VPS35L: variants seen among roughly 807,000 people sequenced by gnomAD.
VPS35L encodes the protein VPS35 endosomal protein sorting factor like.
Under a neutral mutation model 133.0 loss-of-function variants are expected in VPS35L, and 83 were observed. That is an observed-to-expected ratio of 0.62 (90% CI 0.52 to 0.75). The LOEUF (loss-of-function observed/expected upper bound fraction) is 0.75, where lower values mean the gene tolerates loss of function less well. Among genes scored for constraint, VPS35L ranks in the 30% least tolerant of loss-of-function variants. VPS35L has a pLI of 0.00. For synonymous variants in VPS35L, 423 were observed against 449.9 expected (o/e 0.94, Z 0.76); for missense variants, 1,083 against 1,206.8 (o/e 0.90, Z 1.52).
chr16:19,591,117 A>G (rs1477098487), intron 7 of VPS35L, among the ~76,000 whole-genome samples: 1 of 152,124 alleles, frequency 6.6e-6, no homozygotes, highest in African/African-American at 2.4e-5. Flanking sequence ...ACTGAAGCTT[A>G]TGTTCCTTTT....
chr16:19,674,184 C>CTTTCTTTTTTTTTTTTTTTTTTTTT (rs764022611), intron 27 of VPS35L, among the ~76,000 whole-genome samples: 1 of 70,906 alleles, frequency 1.4e-5, no homozygotes, highest in African/African-American at 6.3e-5. Flanking sequence ...TTTTCTTTTT[C>CTTTCTTTTTTTTTTTTTTTTTTTTT]TTTTTTTTTT....
rs1011594076 is a variant in VPS35L, at chr16:19,557,035, G to C, written c.17+1289G>C. Among the ~76,000 whole-genome samples the C allele has an allele frequency of 2.0e-5, 3 of 152,122 alleles. No homozygotes were observed. In the South Asian group the frequency reaches 6.2e-4, roughly 31 times the overall value. ...TAATCCCAGCTACTTGGGAGGGTGA[G>C]GCAGGAGAGTCGCTTGAACCTGGGA... On this transcript the variant is annotated intron_variant, in intron 1 of 30. Coordinates refer to ENST00000417362, the MANE Select transcript of VPS35L (RefSeq NM_020314.7).
At chr16:19,697,162 C>T (rs528608920) in intron 29 of VPS35L, among the ~76,000 whole-genome samples, 1 of 152,364 alleles carries the variant, frequency 6.6e-6, no homozygotes, top group African/African-American at 2.4e-5. Flanking sequence ...TGGGCGCCCA[C>T]AGCACAACCT....
intron 3 of VPS35L, among the ~76,000 whole-genome samples, chr16:19,570,977 G>A (rs1431027801): frequency 1.3e-5 from 2 of 150,218 alleles, no homozygotes; most frequent in African/African-American, 2.4e-5. Flanking sequence ...AGGTTCAAGC[G>A]ATTCTCCTGC....
Position 19,591,927 on chromosome 16 carries a change from A to C in VPS35L, c.724+53A>C, listed in dbSNP as rs574626559. The C allele has an allele frequency of 3.6e-6, 5 of 1,371,868 alleles. No individual in the cohort carries two copies. In the African/African-American group the frequency reaches 7.2e-5, roughly 20 times the overall value. The allele number at this position is 1,371,868 out of a possible 1,614,324, so 85.0% of individuals were successfully genotyped here. A position where few individuals can be genotyped will look rare whatever the true frequency, so the allele number is the denominator to read the frequency against. On this transcript the variant is annotated intron_variant, in intron 8 of 30. Transcript: ENST00000417362. ...TCTAGGAAATGTGTTCGTTTTGTCA[A>C]GAATTGGGTGGTAGAGTTACTGTAA...
intron 3 of VPS35L, 85 bp from the exon 4 acceptor site, chr16:19,573,034 G>A (rs2151509912): frequency 7.1e-7 from 1 of 1,414,280 alleles, no homozygotes; most frequent in Admixed American, 2.0e-5. Context: ...CACAGTAAAG[G>A]ACTATCTGGC....
At chr16:19,565,572 C>G (rs946313157) in intron 2 of VPS35L, among the ~76,000 whole-genome samples, 1 of 152,128 alleles carries the variant, frequency 6.6e-6, no homozygotes, top group East Asian at 1.9e-4. Context: ...AGGCTGGTCT[C>G]GAACCCTTGA....
chr16:19,587,290 T>C, intron 7 of VPS35L: 1 of 448,426 alleles, frequency 2.2e-6, no homozygotes, highest in Non-Finnish European at 4.5e-6. Context: ...CCAAACCATG[T>C]TAACTATGTT....
Position 19,699,506 on chromosome 16 carries a change from T to C in VPS35L, c.2651T>C (p.Leu884Pro), listed in dbSNP as rs1976033605. The stretch of plus-strand genomic sequence containing the variant: ...AACCTCCCTTTTCTGTTTCAGGCCC[T>C]GAAGCGCCAGAGCTCGTTGGGCCTT... ...HLKTLAKDEA[L>P]KRQSSLGLSF... is the part of the protein sequence containing the mutation. Residue 884 changes from leucine (L) to proline (P), a missense_variant, in exon 30 of 31, where the codon CTG becomes CCG. Coordinates refer to ENST00000417362, the MANE Select transcript of VPS35L (RefSeq NM_020314.7). This position sits in a 1 kb window ranked among gnomAD's most constrained non-coding sequence, Gnocchi z 4.2. 2 of 1,613,986 alleles carry C rather than the reference T, an allele frequency of 1.2e-6. No homozygotes were observed. Among genetic ancestry groups the C allele is most frequent in the South Asian group, 2.2e-5 (2 of 91,080 alleles).
intron 1 of VPS35L, 113 bp from the exon 2 acceptor site, chr16:19,564,738 G>A: frequency 1.4e-6 from 1 of 712,624 alleles, no homozygotes. Flanking sequence ...TTTAACTTTG[G>A]TGGGAATATT....
rs9930894 is a variant in VPS35L at position 19,569,646 on chromosome 16, A to T, written c.285+55A>T. 343 of 1,469,344 alleles carry T rather than the reference A, an allele frequency of 2.3e-4. No homozygotes were observed. In the African/African-American group the frequency reaches 3.9e-3, roughly 17 times the overall value. 91.0% of individuals were successfully genotyped at this position (1,469,344 alleles called of 1,614,324 possible). A position where few individuals can be genotyped will look rare whatever the true frequency, so the allele number is the denominator to read the frequency against. ...GGGGGTTGGTTTTGTGGGTGCAGGA[A>T]TGGGTGGTTTTCTTGTGCCCTGCCC... On this transcript the variant is annotated intron_variant, in intron 3 of 30. Coordinates refer to ENST00000417362, the MANE Select transcript of VPS35L (RefSeq NM_020314.7).
intron 8 of VPS35L, among the ~76,000 whole-genome samples, chr16:19,598,875 G>A (rs1210759895): frequency 6.6e-6 from 1 of 152,158 alleles, no homozygotes; most frequent in African/African-American, 2.4e-5. Context: ...TTTCGTGTAG[G>A]AAATAAAGGT....
At chr16:19,644,143 C>T (rs930024174) in intron 22 of VPS35L, among the ~76,000 whole-genome samples, 3 of 151,886 alleles carry the variant, frequency 2.0e-5, no homozygotes, top group Admixed American at 2.0e-4. Flanking sequence ...CCCCAAATAA[C>T]TATTTATTTA....
chr16:19,564,420 A>G (rs1325305688), intron 1 of VPS35L, among the ~76,000 whole-genome samples: 6 of 151,866 alleles, frequency 4.0e-5, no homozygotes, highest in African/African-American at 9.7e-5. Flanking sequence ...TTTGTTTGCC[A>G]TGGAGTCTCG....
chr16:19,639,926 C>T lies in VPS35L; in HGVS notation c.1699-89C>T. On this transcript the variant is annotated intron_variant, in intron 20 of 30. Transcript: ENST00000417362. The surrounding 1 kb of genome is among the most constrained non-coding windows in gnomAD (Gnocchi z 4.1). Reference sequence around the variant, plus strand: ...AGAGAGATGAACCTCTGTTCTGCTTCTTTGAACTCCACAGAAAAAGAGACC... The same window carrying T: ...AGAGAGATGAACCTCTGTTCTGCTTTTTTGAACTCCACAGAAAAAGAGACC... 8.8e-7 allele frequency: 1 copy of T among 1,140,458 alleles called. No individual in the cohort carries two copies. The highest frequency in any genetic ancestry group is 1.4e-5 in the South Asian group (1 of 72,194). 70.6% of individuals were successfully genotyped at this position (1,140,458 alleles called of 1,614,324 possible).
chr16:19,631,776 G>A (rs942236104), intron 18 of VPS35L, among the ~76,000 whole-genome samples: 6 of 152,068 alleles, frequency 3.9e-5, no homozygotes, highest in African/African-American at 7.2e-5. Flanking sequence ...TGGTGCAATC[G>A]TCACTCACTC....
chr16:19,605,468 C>T (rs919586509), intron 9 of VPS35L, among the ~76,000 whole-genome samples: 3 of 152,214 alleles, frequency 2.0e-5, no homozygotes, highest in Admixed American at 6.5e-5. Context: ...CTCTCAAACT[C>T]CTCACCAAGG....
At chr16:19,596,815 T>G (rs2151533833) in intron 8 of VPS35L, among the ~76,000 whole-genome samples, 1 of 151,420 alleles carries the variant, frequency 6.6e-6, no homozygotes. Context: ...AGCTTAGGAA[T>G]TCGAGACCAG....
chr16:19,700,036 G>A (rs1976060934), intron 30 of VPS35L, among the ~76,000 whole-genome samples: 1 of 152,194 alleles, frequency 6.6e-6, no homozygotes, highest in Non-Finnish European at 1.5e-5. Flanking sequence ...GTTCGAGGCT[G>A]CAGTGAGCTA....
Sources: gnomAD v4.1 joint callset for allele counts (sites outside exome capture counted in the v4.1 genomes callset) on GRCh38, gnomAD v4.1.1 for gene constraint, Gnocchi (gnomAD v3.1) non-coding constraint, MANE v1.5 for transcripts, NCBI Gene and HGNC (gene_info 2026-07-23, HGNC 2026-07-21) for gene names.